The following SENP1 variants were observed in gnomAD, a reference collection of about 807,000 sequenced individuals.
SENP1 encodes SUMO specific peptidase 1, also known as sentrin-specific protease 1.
In SENP1, 21 loss-of-function variants were observed where a neutral mutation model predicts 93.0. The observed-to-expected ratio is 0.23, with a 90% CI of 0.16 to 0.33. The LOEUF (loss-of-function observed/expected upper bound fraction) is 0.33. SENP1 is among the 10% of genes least tolerant of loss of function. The pLI, the probability that SENP1 is intolerant of heterozygous loss-of-function variation, is 1.00. For synonymous variants in SENP1, 256 were observed against 259.6 expected (o/e 0.99, Z 0.13); for missense variants, 591 against 758.7 (o/e 0.78, Z 2.60).
chr12:48,062,797 A>T (rs971595412), intron 13 of SENP1, among the ~76,000 whole-genome samples: 36 of 152,218 alleles, frequency 2.4e-4, no homozygotes, highest in African/African-American at 8.7e-4. Context: ...CTATTACAAG[A>T]ATAAAACACA....
At chr12:48,088,991 C>T in intron 4 of SENP1, 31 bp from the exon 5 acceptor site, 10 of 1,577,744 alleles carry the variant, frequency 6.3e-6, no homozygotes, top group Non-Finnish European at 7.7e-6. Flanking sequence ...ATAAATTAAA[C>T]AAATTCTACA....
At chr12:48,072,494 G>A (rs971440534) in intron 8 of SENP1, among the ~76,000 whole-genome samples, 7 of 152,144 alleles carry the variant, frequency 4.6e-5, no homozygotes, top group African/African-American at 1.7e-4. Flanking sequence ...GCTCACACCT[G>A]TAATCCCAGC....
Position 48,046,467 on chromosome 12 carries a change from C to T in SENP1, c.1777-16G>A. Reference sequence around the variant, plus strand: ...GAGGAATCTCCTGGAAGACCAACAACAAAAAAAATGACATCTTTCCAAGCT... The same window carrying T: ...GAGGAATCTCCTGGAAGACCAACAATAAAAAAAATGACATCTTTCCAAGCT... On this transcript the variant is annotated splice_polypyrimidine_tract_variant and intron_variant, in intron 16 of 17. Coordinates refer to ENST00000549518, the MANE Select transcript of SENP1 (RefSeq NM_001267594.2). 1 of 1,538,162 alleles carries T rather than the reference C, an allele frequency of 6.5e-7. No homozygotes were observed. Among genetic ancestry groups the T allele is most frequent in the Non-Finnish European group, 9.0e-7 (1 of 1,114,698 alleles).
intron 6 of SENP1, among the ~76,000 whole-genome samples, chr12:48,075,298 A>C (rs1943990517): frequency 6.6e-6 from 1 of 152,186 alleles, no homozygotes; most frequent in Non-Finnish European, 1.5e-5. Context: ...ATACCAGATA[A>C]TATACTTTGA....
chr12:48,050,636 C>G (rs570420104), intron 13 of SENP1, among the ~76,000 whole-genome samples: 2 of 152,340 alleles, frequency 1.3e-5, no homozygotes, highest in East Asian at 1.9e-4. Flanking sequence ...TCAGGTATTT[C>G]TTAACTATAA....
rs542620880 is a variant in SENP1 at position 48,086,265 on chromosome 12, GACTCTAATAGCCCCAGCTA to G, written c.380+2517_381-2504del. Among the ~76,000 whole-genome samples, 4 of 152,226 alleles carry G rather than the reference GACTCTAATAGCCCCAGCTA, an allele frequency of 2.6e-5. No individual in the cohort carries two copies. The East Asian group carries it at 7.7e-4, about 29-fold the overall frequency. ...TTTCCCATAGGAAACACATTTCAGG[GACTCTAATAGCCCCAGCTA>G]AGGAAAAATGCAATCAGAATGCCAA... is the stretch of plus-strand genomic sequence containing the variant. On this transcript the variant is annotated intron_variant, in intron 5 of 17. Coordinates refer to ENST00000549518, the MANE Select transcript of SENP1 (RefSeq NM_001267594.2).
chr12:48,072,580 T>C (rs912917427), intron 8 of SENP1, among the ~76,000 whole-genome samples: 1 of 152,156 alleles, frequency 6.6e-6, no homozygotes, highest in African/African-American at 2.4e-5. Context: ...ATGGTCCCAC[T>C]GTACTCCAGC....
At chr12:48,076,350 C>T (rs975319528) in intron 6 of SENP1, among the ~76,000 whole-genome samples, 13 of 152,006 alleles carry the variant, frequency 8.6e-5, no homozygotes, top group Admixed American at 2.0e-4. Flanking sequence ...AGGATAGTCT[C>T]GATCTCCTGA....
chr12:48,046,822 C>A (rs78863763), intron 16 of SENP1, among the ~76,000 whole-genome samples, 156 bp downstream of exon 16: 1 of 152,122 alleles, frequency 6.6e-6, no homozygotes, highest in South Asian at 2.1e-4. Flanking sequence ...ACTTTTCCTA[C>A]GGATAGCTTA....
At chr12:48,088,008 T>C (rs1565795783) in intron 5 of SENP1, among the ~76,000 whole-genome samples, 2 of 152,136 alleles carry the variant, frequency 1.3e-5, no homozygotes, top group Non-Finnish European at 2.9e-5. Flanking sequence ...TTTTGTTAGA[T>C]AGAGCTTATA....
chr12:48,091,032 A>G (rs1945193951), intron 4 of SENP1, among the ~76,000 whole-genome samples: 1 of 152,172 alleles, frequency 6.6e-6, no homozygotes, highest in Admixed American at 6.5e-5. Context: ...GAGAAAATAC[A>G]CCAAAAATTT....
At chr12:48,049,436 G>A (rs1287205603) in intron 13 of SENP1, among the ~76,000 whole-genome samples, 1 of 152,152 alleles carries the variant, frequency 6.6e-6, no homozygotes, top group African/African-American at 2.4e-5. Flanking sequence ...GGAAGACAGG[G>A]GTGTTAAGGT....
chr12:48,096,316 C>A, intron 4 of SENP1, 27 bp downstream of exon 4: 1 of 1,348,538 alleles, frequency 7.4e-7, no homozygotes, highest in South Asian at 1.2e-5. Context: ...GGTATAAAGT[C>A]CCTTGACTCC....
chr12:48,052,222 C>G (rs1941871710), intron 13 of SENP1, among the ~76,000 whole-genome samples: 1 of 152,164 alleles, frequency 6.6e-6, no homozygotes, highest in African/African-American at 2.4e-5. Flanking sequence ...CATAAACGAC[C>G]AATGCTATTT....
intron 4 of SENP1, 66 bp from the exon 5 acceptor site, chr12:48,089,026 C>A: frequency 6.5e-7 from 1 of 1,541,624 alleles, no homozygotes; most frequent in Non-Finnish European, 8.8e-7. Context: ...TGACTGCAAC[C>A]ATGACCAACC....
At position 48,079,157 on chromosome 12, in the gene SENP1, T is replaced by TA. The variant is rs934227806; in HGVS notation, c.553-4365dup. Among the ~76,000 whole-genome samples the TA allele has an allele frequency of 3.8e-4, 56 of 146,996 alleles. No individual in the cohort carries two copies. In the East Asian group the frequency reaches 3.9e-3, roughly 10 times the overall value. ...ACACTGAGACTCTATTTCATAAAAT[T>TA]AAAAAAAAAATTAAAATTAAAGAAA... On this transcript the variant is annotated intron_variant, in intron 6 of 17. Coordinates refer to ENST00000549518, the MANE Select transcript of SENP1 (RefSeq NM_001267594.2).
At chr12:48,047,896 T>G (rs1941489900) in intron 15 of SENP1, 105 bp downstream of exon 15, 1 of 717,020 alleles carries the variant, frequency 1.4e-6, no homozygotes, top group South Asian at 1.7e-5. Context: ...ATATGAAGAT[T>G]TTATCAATCA....
Position 48,074,809 on chromosome 12 carries a change from A to AC in SENP1, c.553-17_553-16insG. 3 of 1,530,738 alleles carry AC rather than the reference A, an allele frequency of 2.0e-6. No individual in the cohort carries two copies. The highest frequency in any genetic ancestry group is 2.7e-6 in the Non-Finnish European group (3 of 1,121,208). 94.8% of individuals were successfully genotyped at this position (1,530,738 alleles called of 1,614,324 possible). A position where few individuals can be genotyped will look rare whatever the true frequency, so the allele number is the denominator to read the frequency against. ...CTTGAACTGTCTATAAGAAAACAAA[A>AC]AAAAAAAACAGTTTAAACACATCCA... On this transcript the variant is annotated splice_polypyrimidine_tract_variant and intron_variant, in intron 6 of 17. Coordinates refer to ENST00000549518, the MANE Select transcript of SENP1 (RefSeq NM_001267594.2).
intron 13 of SENP1, among the ~76,000 whole-genome samples, chr12:48,054,037 T>G (rs941003389): frequency 6.6e-6 from 1 of 152,110 alleles, no homozygotes; most frequent in Non-Finnish European, 1.5e-5. Context: ...GGGAAAATAA[T>G]AGAGAGACAG....
Sources: allele counts gnomAD v4.1 joint callset (sites outside exome capture counted in the v4.1 genomes callset), GRCh38; gene constraint gnomAD v4.1.1; transcripts MANE v1.5; gene names NCBI Gene and HGNC (gene_info 2026-07-23, HGNC 2026-07-21).